Variants in PBRM1 observed in about 807,000 individuals in gnomAD.
PBRM1 encodes protein polybromo-1.
Under a neutral mutation model 194.5 loss-of-function variants are expected in PBRM1, and 27 were observed. That is an observed-to-expected ratio of 0.14 (90% CI 0.10 to 0.19). The LOEUF is 0.19. Ranked by LOEUF, PBRM1 falls within the 10% of genes least tolerant of loss-of-function variation. The pLI is 1.00. For missense variants in PBRM1, 1,466 were observed against 2,077.2 expected, an observed-to-expected ratio of 0.71 and a Z score of 5.72; for synonymous variants, 655 against 693.2, an observed-to-expected ratio of 0.94 and a Z score of 0.87.
At chr3:52,677,945 T>C (rs761806789) in intron 2 of PBRM1, among the ~76,000 whole-genome samples, 1 of 152,144 alleles carries the variant, frequency 6.6e-6, no homozygotes, top group African/African-American at 2.4e-5. Context: ...CATGGCTTAC[T>C]GCAGCCTCAA....
At chr3:52,684,379 A>C (rs1578506266), upstream of PBRM1, among the ~76,000 whole-genome samples, 1 of 152,022 alleles carries the variant, frequency 6.6e-6, no homozygotes, top group East Asian at 1.9e-4. Context: ...ATATCGACTT[A>C]CTATAGACAA....
intron 16 of PBRM1, among the ~76,000 whole-genome samples, chr3:52,604,045 G>A (rs190906165): frequency 6.6e-6 from 1 of 152,246 alleles, no homozygotes; most frequent in Admixed American, 6.5e-5. Flanking sequence ...AGGGGAAGGT[G>A]GCTGCCAGAA....
intron 12 of PBRM1, among the ~76,000 whole-genome samples, chr3:52,628,131 A>G (rs1205977373): frequency 6.6e-6 from 1 of 152,158 alleles, no homozygotes; most frequent in Non-Finnish European, 1.5e-5. Context: ...ATTCATAGAC[A>G]ATATACAAAG....
At chr3:52,678,281 G>A (rs146342024) in intron 2 of PBRM1, among the ~76,000 whole-genome samples, 2 of 152,156 alleles carry the variant, frequency 1.3e-5, no homozygotes, top group Non-Finnish European at 2.9e-5. Context: ...AAATCAAGTA[G>A]CTGGGATTAT....
intron 13 of PBRM1, among the ~76,000 whole-genome samples, chr3:52,621,896 C>T (rs921878797): frequency 9.9e-5 from 15 of 151,944 alleles, no homozygotes; most frequent in African/African-American, 3.1e-4. Context: ...TTTAAAAAAG[C>T]GTAGTCAGGC....
chr3:52,593,190 T>A (rs1355973902), intron 17 of PBRM1, among the ~76,000 whole-genome samples: 1 of 152,218 alleles, frequency 6.6e-6, no homozygotes, highest in African/African-American at 2.4e-5. Context: ...CTGCTAGCTT[T>A]GGGAATGGTT....
upstream of PBRM1, among the ~76,000 whole-genome samples, chr3:52,682,846 C>T (rs1162165797): frequency 6.6e-6 from 1 of 152,114 alleles, no homozygotes; most frequent in Non-Finnish European, 1.5e-5. Flanking sequence ...GCCAGTGCAT[C>T]ACTTGGAGTT....
rs899511379 is a variant in PBRM1 at position 52,576,280 on chromosome 3, G to A, written c.3691+261C>T. 5.9e-5 allele frequency among the ~76,000 whole-genome samples: 9 copies of A among 152,216 alleles called. No homozygotes were observed. In the East Asian group the frequency reaches 7.7e-4, roughly 13 times the overall value. ...TATCTTTCAAAAATTAGCTCAGTGC[G>A]GTGGTGCATGCCTATAGTCCCAGCA... On this transcript the variant is annotated intron_variant, in intron 22 of 29. Coordinates refer to ENST00000296302, the Ensembl canonical transcript of PBRM1.
At chr3:52,638,162 T>C (rs2095900666) in intron 10 of PBRM1, among the ~76,000 whole-genome samples, 1 of 152,140 alleles carries the variant, frequency 6.6e-6, no homozygotes. Context: ...TTATATACTA[T>C]CTTTTATACA....
chr3:52,579,203 T>C lies in PBRM1; in HGVS notation c.3388-4A>G, dbSNP rs1231564530. ...CCACAGGGACATCTTCTTTTTCCTG[T>C]TGTAAAGAAAACTGGCTGAAGAAAG... On this transcript the variant is annotated splice_polypyrimidine_tract_variant and splice_region_variant and intron_variant, in intron 20 of 29. Coordinates refer to ENST00000296302, the Ensembl canonical transcript of PBRM1. The C allele has an allele frequency of 6.2e-7, 1 of 1,613,470 alleles. No individual in the cohort carries two copies. The highest frequency in any genetic ancestry group is 8.5e-7 in the Non-Finnish European group (1 of 1,179,518).
chr3:52,547,045 T>C (rs1446087871), downstream of PBRM1: 4 of 233,214 alleles, frequency 1.7e-5, no homozygotes, highest in South Asian at 1.8e-4. Context: ...ACAGCTCATA[T>C]CTAGTTCCAT....
chr3:52,586,720 T>C, intron 19 of PBRM1, 32 bp from the exon 22 acceptor site: 2 of 1,108,312 alleles, frequency 1.8e-6, no homozygotes, highest in Non-Finnish European at 2.4e-6. Flanking sequence ...AGAATAAAAC[T>C]AGTTAGGTGA....
At position 52,622,765 on chromosome 3, in the gene PBRM1, A is replaced by G. The variant is rs75246353; in HGVS notation, c.1541+4508T>C. Reference sequence around the variant, plus strand: ...TTTCCTTTTAATGTTTCATGCCACAATGTAAGTCCTTGGCTCTCATACTTT... The same window carrying G: ...TTTCCTTTTAATGTTTCATGCCACAGTGTAAGTCCTTGGCTCTCATACTTT... On this transcript the variant is annotated intron_variant, in intron 13 of 29. Coordinates refer to ENST00000296302, the Ensembl canonical transcript of PBRM1. Among the ~76,000 whole-genome samples the G allele has an allele frequency of 7.2e-4, 110 of 152,260 alleles. 2 individuals are homozygous for G. The highest frequency in any genetic ancestry group is 5.4e-3 in the Admixed American group (82 of 15,294).
At chr3:52,668,765 T>C in intron 2 of PBRM1, 120 bp from the exon 4 acceptor site, 4 of 398,198 alleles carry the variant, frequency 1.0e-5, no homozygotes, top group East Asian at 3.9e-5. Context: ...GAATCTTTCA[T>C]GGACTTTGAA....
intron 3 of PBRM1, among the ~76,000 whole-genome samples, chr3:52,666,269 T>C (rs1265253021): frequency 6.6e-6 from 1 of 152,042 alleles, no homozygotes; most frequent in Non-Finnish European, 1.5e-5. Context: ...AGGCCAGGCA[T>C]GGTGGCTCAC....
At chr3:52,631,860 G>A (rs1274590556) in intron 11 of PBRM1, among the ~76,000 whole-genome samples, 1 of 152,186 alleles carries the variant, frequency 6.6e-6, no homozygotes, top group Non-Finnish European at 1.5e-5. Flanking sequence ...AAAGGAGCTT[G>A]GAATGTACAG....
chr3:52,668,653 A>C lies in PBRM1; in HGVS notation c.237-8T>G. 6.6e-7 allele frequency: 1 copy of C among 1,524,592 alleles called. No homozygotes were observed. Among genetic ancestry groups the C allele is most frequent in the Non-Finnish European group, 8.8e-7 (1 of 1,135,988 alleles). 94.4% of individuals were successfully genotyped at this position (1,524,592 alleles called of 1,614,324 possible). On this transcript the variant is annotated splice_region_variant and splice_polypyrimidine_tract_variant and intron_variant, in intron 2 of 29. Transcript: ENST00000296302. Reference sequence around the variant, plus strand: ...TAATAGTCTGGTTGATTTCTGTTATAATTTAAATTTTTTTAAAGGAGATTA... The same window carrying C: ...TAATAGTCTGGTTGATTTCTGTTATCATTTAAATTTTTTTAAAGGAGATTA...
chr3:52,670,125 A>C (rs78011286), intron 2 of PBRM1, among the ~76,000 whole-genome samples: 5,322 of 152,340 alleles, frequency 0.035, 129 homozygotes, highest in Middle Eastern at 0.058. Context: ...TAAGGGGACT[A>C]TCTGTAGACA....
intron 7 of PBRM1, 59 bp from the exon 9 acceptor site, chr3:52,644,848 C>T (rs2096243104): frequency 8.9e-6 from 7 of 787,146 alleles, no homozygotes; most frequent in African/African-American, 3.5e-5. Context: ...AGCTTAATGC[C>T]CCCAACTCAT....
Sources: allele counts gnomAD v4.1 joint callset (sites outside exome capture counted in the v4.1 genomes callset), GRCh38; gene constraint gnomAD v4.1.1; transcripts MANE v1.5; gene names NCBI Gene and HGNC (gene_info 2026-07-23, HGNC 2026-07-21).